Variants in RAP1GAP2 observed in about 807,000 individuals in gnomAD.
RAP1GAP2 encodes the protein rap1 GTPase-activating protein 2.
A neutral mutation model predicts 95.0 loss-of-function variants in RAP1GAP2; 27 were observed. That is an observed-to-expected ratio of 0.28 (90% CI 0.21 to 0.39). RAP1GAP2 has a LOEUF of 0.39. RAP1GAP2 is among the 10% of genes least tolerant of loss of function. The probability of loss-of-function intolerance (pLI) is 1.00; values close to 1 mark genes in which losing one functional copy is unlikely to be tolerated. For synonymous variants in RAP1GAP2, 373 were observed against 380.9 expected, an observed-to-expected ratio of 0.98 and a Z score of 0.24; for missense variants, 771 against 970.0, an observed-to-expected ratio of 0.79 and a Z score of 2.72.
intron 2 of RAP1GAP2, among the ~76,000 whole-genome samples, chr17:2,896,839 C>G (rs544351548): frequency 4.6e-5 from 7 of 152,188 alleles, no homozygotes; most frequent in Non-Finnish European, 8.8e-5. Flanking sequence ...AGCTGCAGCC[C>G]GAGTCTGGCC....
At chr17:3,014,545 ATTT>A (rs10542901) in intron 17 of RAP1GAP2, among the ~76,000 whole-genome samples, 7 of 105,090 alleles carry the variant, frequency 6.7e-5, no homozygotes, top group Admixed American at 1.0e-4. Context: ...AAAGATGCTG[ATTT>A]TTTTTTTTTT....
At chr17:2,830,899 C>T (rs1567688211) in intron 2 of RAP1GAP2, among the ~76,000 whole-genome samples, 1 of 150,306 alleles carries the variant, frequency 6.7e-6, no homozygotes, top group Non-Finnish European at 1.5e-5. Flanking sequence ...CTTCTTTATT[C>T]ACATGTAAGA....
intron 2 of RAP1GAP2, among the ~76,000 whole-genome samples, chr17:2,863,749 TAA>T (rs927686232): frequency 3.5e-4 from 53 of 151,842 alleles, no homozygotes; most frequent in African/African-American, 1.2e-3. Flanking sequence ...GGGGCTGAGT[TAA>T]GAGTCTAGTA....
intron 2 of RAP1GAP2, among the ~76,000 whole-genome samples, chr17:2,830,520 C>A (rs1356891666): frequency 2.0e-5 from 3 of 152,012 alleles, no homozygotes; most frequent in Non-Finnish European, 4.4e-5. Context: ...TCGAGACCAT[C>A]CTGGCTAACA....
intron 2 of RAP1GAP2, among the ~76,000 whole-genome samples, chr17:2,837,843 T>G (rs1230191650): frequency 2.0e-5 from 3 of 151,696 alleles, no homozygotes; most frequent in Admixed American, 2.0e-4. Flanking sequence ...CCTGACCTTG[T>G]GATCTGTCTG....
intron 2 of RAP1GAP2, among the ~76,000 whole-genome samples, chr17:2,901,467 G>C (rs1388052947): frequency 6.6e-6 from 1 of 152,064 alleles, no homozygotes; most frequent in East Asian, 1.9e-4. Context: ...GCCCCGCGTC[G>C]TTAGAGTTGC....
rs971285005 is a variant in RAP1GAP2 at position 2,870,865 on chromosome 17, G to A, written c.81-34419G>A. ...CTGTCTCGTCACTGTGTCTCTTTGT[G>A]TTGGCTTCATTCTCTTGGGCCATCT... On this transcript the variant is annotated intron_variant, in intron 2 of 24. Coordinates refer to ENST00000254695, the MANE Select transcript of RAP1GAP2 (RefSeq NM_015085.5). This position sits in a 1 kb window ranked among gnomAD's most constrained non-coding sequence, Gnocchi z 4.4. 1.3e-5 allele frequency among the ~76,000 whole-genome samples: 2 copies of A among 152,196 alleles called. No individual in the cohort carries two copies. The highest frequency in any genetic ancestry group is 2.4e-5 in the African/African-American group (1 of 41,450).
At chr17:3,007,236 G>A (rs757758661) in intron 16 of RAP1GAP2, among the ~76,000 whole-genome samples, 6 of 152,138 alleles carry the variant, frequency 3.9e-5, no homozygotes, top group Admixed American at 1.3e-4. Flanking sequence ...AGCTCGGGAC[G>A]GTGGGCTGCT....
chr17:2,774,259 C>T (rs530674652), upstream of RAP1GAP2, among the ~76,000 whole-genome samples: 57 of 152,060 alleles, frequency 3.7e-4, no homozygotes, highest in Non-Finnish European at 6.6e-4. Context: ...AGGGCAGAGT[C>T]CAGAGTGAGG....
At chr17:2,815,281 A>G (rs1050737742) in intron 2 of RAP1GAP2, among the ~76,000 whole-genome samples, 3 of 152,030 alleles carry the variant, frequency 2.0e-5, no homozygotes, top group Non-Finnish European at 4.4e-5. Context: ...ACTCTGGGTG[A>G]CCTGGGGCAG....
intron 8 of RAP1GAP2, among the ~76,000 whole-genome samples, chr17:2,969,285 A>G (rs1285054623): frequency 1.3e-5 from 2 of 151,744 alleles, no homozygotes; most frequent in Non-Finnish European, 2.9e-5. Flanking sequence ...AATTGATTGC[A>G]TAGTAGATCA....
intron 1 of RAP1GAP2, among the ~76,000 whole-genome samples, chr17:2,784,191 T>C (rs983183897): frequency 6.6e-6 from 1 of 152,124 alleles, no homozygotes; most frequent in East Asian, 1.9e-4. Context: ...GCCAGGATGG[T>C]CTCGAATTCC....
chr17:2,802,907 C>G (rs1488561513), intron 2 of RAP1GAP2, among the ~76,000 whole-genome samples: 1 of 152,186 alleles, frequency 6.6e-6, no homozygotes, highest in Non-Finnish European at 1.5e-5. Context: ...GGACAAGATG[C>G]TTCCCTTCTC....
At chr17:2,884,914 G>A (rs2073431460) in intron 2 of RAP1GAP2, among the ~76,000 whole-genome samples, 1 of 152,124 alleles carries the variant, frequency 6.6e-6, no homozygotes, top group African/African-American at 2.4e-5. Flanking sequence ...GGGCCTTCAG[G>A]GTAGGAATGC....
intron 5 of RAP1GAP2, 22 bp downstream of exon 5, chr17:2,962,736 G>A: frequency 6.3e-7 from 1 of 1,582,304 alleles, no homozygotes; most frequent in Non-Finnish European, 8.6e-7. Context: ...GGGTGAGGGG[G>A]TGGCCAGACG....
chr17:2,884,867 C>T (rs1189679868), intron 2 of RAP1GAP2, among the ~76,000 whole-genome samples: 1 of 152,110 alleles, frequency 6.6e-6, no homozygotes, highest in Non-Finnish European at 1.5e-5. Context: ...AATTATGACA[C>T]AAGTGTAAAG....
Position 3,027,963 on chromosome 17 carries a change from C to T in RAP1GAP2, c.2107+893C>T, listed in dbSNP as rs375975059. ...AATAGGGGGGCCAGCACCTGAGGGC[C>T]GTTCAGGTAGACCTGTGCGGTGGGC... On this transcript the variant is annotated intron_variant, in intron 22 of 24. Transcript: ENST00000254695. The surrounding 1 kb of genome is among the most constrained non-coding windows in gnomAD (Gnocchi z 5.2). Among the ~76,000 whole-genome samples, 7 of 152,094 alleles carry T rather than the reference C, an allele frequency of 4.6e-5. No homozygotes were observed. The highest frequency in any genetic ancestry group is 9.7e-5 in the African/African-American group (4 of 41,422).
At chr17:2,841,074 G>A (rs977106497) in intron 2 of RAP1GAP2, among the ~76,000 whole-genome samples, 49 of 151,772 alleles carry the variant, frequency 3.2e-4, no homozygotes, top group African/African-American at 1.1e-3. Context: ...AGAATCGCTC[G>A]AACCTGGGAG....
intron 2 of RAP1GAP2, among the ~76,000 whole-genome samples, chr17:2,814,751 A>G (rs1365426493): frequency 6.6e-6 from 1 of 151,910 alleles, no homozygotes; most frequent in Non-Finnish European, 1.5e-5. Context: ...CAACCCCAAC[A>G]CCCAGCTCAT....
Sources: gnomAD v4.1 joint callset for allele counts (sites outside exome capture counted in the v4.1 genomes callset) on GRCh38, gnomAD v4.1.1 for gene constraint, Gnocchi (gnomAD v3.1) non-coding constraint, MANE v1.5 for transcripts, NCBI Gene and HGNC (gene_info 2026-07-23, HGNC 2026-07-21) for gene names.